Variants in NIPA1 observed in about 807,000 individuals in gnomAD.
NIPA1 encodes the protein magnesium transporter NIPA1.
A neutral mutation model predicts 23.9 loss-of-function variants in NIPA1; 13 were observed. That is an observed-to-expected ratio of 0.54 (90% CI 0.35 to 0.87). The LOEUF is 0.87. Ranked by LOEUF, NIPA1 falls within the 40% of genes least tolerant of loss-of-function variation. NIPA1 has a pLI of 0.01. For missense variants in NIPA1, 362 were observed against 429.7 expected, an observed-to-expected ratio of 0.84 and a Z score of 1.39; for synonymous variants, 234 against 202.9, an observed-to-expected ratio of 1.15 and a Z score of -1.30.
chr15:22,809,626 T>TGG (rs1895279384), intron 1 of NIPA1, among the ~76,000 whole-genome samples: 1 of 151,588 alleles, frequency 6.6e-6, no homozygotes, highest in Non-Finnish European at 1.5e-5. Context: ...GCTCCTGTAG[T>TGG]CTCAGCTACT....
chr15:22,786,968 G>A (rs1263308649), intron 1 of NIPA1, 134 bp downstream of exon 1: 4 of 467,550 alleles, frequency 8.6e-6, no homozygotes, highest in Non-Finnish European at 1.2e-5. Flanking sequence ...GGGGAAGGCT[G>A]CGCGGGCGGG....
chr15:22,822,791 CA>C (rs1270813182), intron 4 of NIPA1, among the ~76,000 whole-genome samples: 3 of 150,620 alleles, frequency 2.0e-5, no homozygotes, highest in African/African-American at 7.4e-5. Flanking sequence ...CGTGCTATTG[CA>C]ATCCAGCCTG....
intron 4 of NIPA1, 137 bp from the exon 5 acceptor site, chr15:22,823,591 C>CTTGA: frequency 2.5e-6 from 2 of 787,626 alleles, no homozygotes. Context: ...CCAGAGCCCA[C>CTTGA]ATGCTCCCCA....
rs754979501 is a variant in NIPA1 at position 22,820,334 on chromosome 15, C to G, written c.339C>G (p.Leu113=). ...AAAGGTCCATTTTAGCTTCCTATCT[C>G]CTGAAGGAAAAGCTCAACATCTTGG... ...VPFGSILASY[L]LKEKLNILGK... is the part of the protein sequence containing the mutation. Residue 113 remains leucine, a synonymous_variant, in exon 4 of 5, where the codon CTC becomes CTG. Coordinates refer to ENST00000337435, the MANE Select transcript of NIPA1 (RefSeq NM_144599.5). 1 of 1,612,570 alleles carries G rather than the reference C, an allele frequency of 6.2e-7. No individual in the cohort carries two copies. The highest frequency in any genetic ancestry group is 8.5e-7 in the Non-Finnish European group (1 of 1,178,586).
At chr15:22,791,328 G>A (rs1380916408) in intron 1 of NIPA1, among the ~76,000 whole-genome samples, 2 of 152,052 alleles carry the variant, frequency 1.3e-5, no homozygotes, top group African/African-American at 2.4e-5. Context: ...ACAAGTGGAA[G>A]CTAAACAATG....
At chr15:22,802,903 G>A (rs868717087) in intron 1 of NIPA1, among the ~76,000 whole-genome samples, 1 of 152,058 alleles carries the variant, frequency 6.6e-6, no homozygotes, top group Non-Finnish European at 1.5e-5. Flanking sequence ...GAGTAGTGTT[G>A]TGTTGTTTGA....
At chr15:22,805,948 G>C (rs985369206) in intron 1 of NIPA1, among the ~76,000 whole-genome samples, 6 of 151,728 alleles carry the variant, frequency 4.0e-5, no homozygotes, top group South Asian at 2.1e-4. Flanking sequence ...TTTTGGGATG[G>C]AGTCTCACTC....
intron 1 of NIPA1, among the ~76,000 whole-genome samples, chr15:22,798,600 G>T: frequency 6.7e-6 from 1 of 148,552 alleles, no homozygotes; most frequent in Middle Eastern, 3.5e-3. Context: ...TGTAATCCCA[G>T]CACCTTGGGA....
intron 1 of NIPA1, among the ~76,000 whole-genome samples, chr15:22,788,090 G>A (rs1240668885): frequency 6.6e-6 from 1 of 152,134 alleles, no homozygotes; most frequent in African/African-American, 2.4e-5. Flanking sequence ...CCCCAGGACT[G>A]GGTGAGATGG....
chr15:22,789,846 G>A (rs1308344464), intron 1 of NIPA1, among the ~76,000 whole-genome samples: 5 of 152,086 alleles, frequency 3.3e-5, no homozygotes, highest in Non-Finnish European at 7.4e-5. Context: ...CCAGGCTGGA[G>A]TGCAGTGGCG....
chr15:22,822,896 G>T (rs914711062), intron 4 of NIPA1, among the ~76,000 whole-genome samples: 6 of 148,372 alleles, frequency 4.0e-5, no homozygotes, highest in African/African-American at 1.5e-4. Context: ...AAACATTTAG[G>T]AGCTGTAAAT....
intron 1 of NIPA1, among the ~76,000 whole-genome samples, chr15:22,792,287 C>T (rs55738090): frequency 0.095 from 14,507 of 152,060 alleles, 797 homozygotes; most frequent in South Asian, 0.18. Flanking sequence ...TTGAGGGGTT[C>T]GCATGGCTGC....
chr15:22,812,193 C>T lies in NIPA1; in HGVS notation c.257C>T (p.Ala86Val). ...GTTGGCCAGATTGGAAACTTCCTGG[C>T]TTACACGGCGGTCCCCACGGTCCTG... ...MAVGQIGNFL[A>V]YTAVPTVLVT... Residue 86 changes from alanine to valine, a missense_variant, in exon 3 of 5, where the codon GCT (alanine) becomes GTT (valine). By Grantham distance (64) the Ala-to-Val change is moderately conservative. Coordinates refer to ENST00000337435, the MANE Select transcript of NIPA1 (RefSeq NM_144599.5). 1 of 1,613,724 alleles carries T rather than the reference C, an allele frequency of 6.2e-7. No individual in the cohort carries two copies. The highest frequency in any genetic ancestry group is 8.5e-7 in the Non-Finnish European group (1 of 1,179,760).
Position 22,827,222 on chromosome 15 carries a change from C to A in NIPA1, c.*2983C>A, listed in dbSNP as rs1346084223. ...TACTTAAATAGGCTATTTCTCTCCT[C>A]TTCTTGGGCAATGCCTTGTTTTCTC... is the stretch of plus-strand genomic sequence containing the variant. On this transcript the variant is annotated 3_prime_UTR_variant, in exon 5 of 5. Coordinates refer to ENST00000337435, the MANE Select transcript of NIPA1 (RefSeq NM_144599.5). 3 of 152,170 alleles carry A rather than the reference C, an allele frequency of 2.0e-5. No individual in the cohort carries two copies. The highest frequency in any genetic ancestry group is 7.2e-5 in the African/African-American group (3 of 41,438). The allele number at this position is 152,170 out of a possible 1,614,324, so 9.4% of individuals were successfully genotyped here.
intron 1 of NIPA1, among the ~76,000 whole-genome samples, chr15:22,808,369 G>T (rs1343429999): frequency 4.6e-5 from 7 of 152,112 alleles, no homozygotes; most frequent in African/African-American, 7.2e-5. Context: ...ACACTGAGAG[G>T]GACACCAGAC....
chr15:22,805,276 C>T (rs777350565), intron 1 of NIPA1, among the ~76,000 whole-genome samples: 6 of 152,160 alleles, frequency 3.9e-5, no homozygotes, highest in Non-Finnish European at 8.8e-5. Context: ...ATATTAAGTC[C>T]ATGAGTTAAG....
At chr15:22,814,948 G>A (rs1895387775) in intron 3 of NIPA1, among the ~76,000 whole-genome samples, 1 of 152,060 alleles carries the variant, frequency 6.6e-6, no homozygotes, top group Non-Finnish European at 1.5e-5. Flanking sequence ...TGCATTGTGA[G>A]GTGTTTAGCA....
chr15:22,813,920 A>G (rs1895365799), intron 3 of NIPA1, among the ~76,000 whole-genome samples: 2 of 152,334 alleles, frequency 1.3e-5, no homozygotes, highest in African/African-American at 2.4e-5. Flanking sequence ...CCCCTGAAAG[A>G]TAATCAGGCA....
At chr15:22,794,655 C>T (rs889576198) in intron 1 of NIPA1, among the ~76,000 whole-genome samples, 4 of 152,022 alleles carry the variant, frequency 2.6e-5, no homozygotes, top group African/African-American at 9.7e-5. Context: ...TCCAGGCGTC[C>T]CATTTCGAGT....
Sources: allele counts gnomAD v4.1 joint callset (sites outside exome capture counted in the v4.1 genomes callset), GRCh38; gene constraint gnomAD v4.1.1; transcripts MANE v1.5; gene names NCBI Gene and HGNC (gene_info 2026-07-23, HGNC 2026-07-21).